MAN2A1: variants seen among roughly 807,000 people sequenced by gnomAD.
MAN2A1 encodes alpha-mannosidase 2.
Under a neutral mutation model 142.6 loss-of-function variants are expected in MAN2A1, and 76 were observed. The ratio of observed to expected loss-of-function variants is 0.53; its 90% CI spans 0.44 to 0.65. The LOEUF (loss-of-function observed/expected upper bound fraction) is 0.65, where lower values mean the gene tolerates loss of function less well. MAN2A1 is among the 30% of genes least tolerant of loss of function. The pLI is 0.00. For missense variants in MAN2A1, 1,311 were observed against 1,365.1 expected (o/e 0.96, Z 0.62); for synonymous variants, 559 against 473.2 (o/e 1.18, Z -2.35).
At chr5:109,841,143 G>A (rs913023616) in intron 16 of MAN2A1, among the ~76,000 whole-genome samples, 7 of 151,838 alleles carry the variant, frequency 4.6e-5, no homozygotes, top group East Asian at 1.9e-4. Flanking sequence ...CTCTCGCACC[G>A]TTTTTAAAAA....
In MAN2A1 at chr5:109,803,687, A is replaced by T. The variant is rs564253983; in HGVS notation, c.1944-13586A>T. 7.9e-5 allele frequency among the ~76,000 whole-genome samples: 12 copies of T among 152,224 alleles called. No homozygotes were observed. The South Asian group carries it at 2.5e-3, about 32-fold the overall frequency. On this transcript the variant is annotated intron_variant, in intron 12 of 21. Transcript: ENST00000261483. ...TTCTAGTTAAGATATTTGGAAATAC[A>T]TAACTGTATGTAACTGAAGAAAAAC...
chr5:109,849,866 G>A (rs1366943342), intron 19 of MAN2A1, among the ~76,000 whole-genome samples: 1 of 152,050 alleles, frequency 6.6e-6, no homozygotes, highest in East Asian at 1.9e-4. Flanking sequence ...CATTGGCATT[G>A]GCATGCCTTT....
At chr5:109,716,988 A>G (rs1751473738) in intron 3 of MAN2A1, among the ~76,000 whole-genome samples, 1 of 152,126 alleles carries the variant, frequency 6.6e-6, no homozygotes, top group African/African-American at 2.4e-5. Context: ...AGTTGTTTCA[A>G]TTATAATGGG....
At chr5:109,857,461 A>G (rs879524324) in intron 20 of MAN2A1, among the ~76,000 whole-genome samples, 4 of 152,172 alleles carry the variant, frequency 2.6e-5, no homozygotes, top group Non-Finnish European at 4.4e-5. Flanking sequence ...GGTAGAGGAC[A>G]TCAGCGACCT....
chr5:109,736,623 C>T (rs1014177404), intron 4 of MAN2A1, among the ~76,000 whole-genome samples: 1 of 152,068 alleles, frequency 6.6e-6, no homozygotes. Flanking sequence ...CAGATTGTTT[C>T]TGATTTTAAG....
intron 4 of MAN2A1, among the ~76,000 whole-genome samples, chr5:109,736,689 A>G (rs1234353147): frequency 6.6e-6 from 1 of 151,864 alleles, no homozygotes; most frequent in Non-Finnish European, 1.5e-5. Context: ...TGGGAATCTG[A>G]TTTTTTTCTT....
chr5:109,855,274 A>G lies in MAN2A1; in HGVS notation c.3111A>G (p.Pro1037=). The change falls in exon 20 of 22, where the codon CCA becomes CCG. Residue 1037 remains proline, a synonymous_variant. Coordinates refer to ENST00000261483, the MANE Select transcript of MAN2A1 (RefSeq NM_002372.4). ...TTGAGCTGCAAGGTGAATTCTCTCCATTACAGTCATCTTTGCCTTGTGACA... is the reference window on the plus strand; with the variant it reads ...TTGAGCTGCAAGGTGAATTCTCTCCGTTACAGTCATCTTTGCCTTGTGACA... ...PTLELQGEFS[P]LQSSLPCDIH... is the part of the protein sequence containing the mutation. 6.2e-7 allele frequency: 1 copy of G among 1,605,140 alleles called. No homozygotes were observed. Among genetic ancestry groups the G allele is most frequent in the Non-Finnish European group, 8.5e-7 (1 of 1,177,058 alleles).
chr5:109,778,685 TTC>T (rs1753362963), intron 8 of MAN2A1, among the ~76,000 whole-genome samples: 1 of 152,128 alleles, frequency 6.6e-6, no homozygotes, highest in South Asian at 2.1e-4. Flanking sequence ...TGCATTTTCT[TTC>T]TCTCCAACAT....
At chr5:109,800,582 C>T (rs1315365539) in intron 12 of MAN2A1, among the ~76,000 whole-genome samples, 1 of 152,044 alleles carries the variant, frequency 6.6e-6, no homozygotes, top group African/African-American at 2.4e-5. Context: ...AAATGTTTAT[C>T]AGTAATGAAT....
At chr5:109,856,669 TGAGA>T (rs1755611975) in intron 20 of MAN2A1, among the ~76,000 whole-genome samples, 1 of 152,204 alleles carries the variant, frequency 6.6e-6, no homozygotes, top group Non-Finnish European at 1.5e-5. Context: ...CTCAGTTTTT[TGAGA>T]GAGAAGTATT....
At chr5:109,809,390 A>G (rs1754259934) in intron 12 of MAN2A1, among the ~76,000 whole-genome samples, 1 of 151,802 alleles carries the variant, frequency 6.6e-6, no homozygotes, top group South Asian at 2.1e-4. Context: ...TCCCTCTGAT[A>G]TTATTTTCTT....
At chr5:109,840,529 C>T in intron 16 of MAN2A1, 2 of 506,548 alleles carry the variant, frequency 3.9e-6, no homozygotes, top group Non-Finnish European at 3.9e-6. Context: ...GCTTCTTTTC[C>T]TTGGACATGG....
chr5:109,781,459 G>A lies in MAN2A1; in HGVS notation c.1438G>A (p.Asp480Asn). Residue 480 changes from aspartate to asparagine, a missense_variant, in exon 9 of 22, where the codon GAC (aspartate) becomes AAC (asparagine). Around this residue, in one of 3 missense-constraint regions of MAN2A1, gnomAD observed 890 missense variants for 920.5 expected, o/e 0.97. Coordinates refer to ENST00000261483, the MANE Select transcript of MAN2A1 (RefSeq NM_002372.4). ...GGATAAAGCAGATGAAACTCAGAGA[G>A]ACAAGGGCCAATCGATGTTCCCTGT... ...ALDKADETQR[D>N]KGQSMFPVLS... The A allele has an allele frequency of 6.2e-7, 1 of 1,613,256 alleles. No individual in the cohort carries two copies. Among genetic ancestry groups the A allele is most frequent in the Non-Finnish European group, 8.5e-7 (1 of 1,179,770 alleles).
chr5:109,783,708 A>T (rs561816499), intron 9 of MAN2A1, among the ~76,000 whole-genome samples: 2 of 137,334 alleles, frequency 1.5e-5, no homozygotes, highest in South Asian at 4.7e-4. Flanking sequence ...GAACCTTCTT[A>T]TACTTTTTAC....
intron 8 of MAN2A1, among the ~76,000 whole-genome samples, chr5:109,780,583 C>CT (rs1246099622): frequency 6.6e-6 from 1 of 151,342 alleles, no homozygotes; most frequent in Non-Finnish European, 1.5e-5. Flanking sequence ...CCGCATCTTT[C>CT]TTTTAAAAGG....
intron 19 of MAN2A1, among the ~76,000 whole-genome samples, chr5:109,849,638 C>T (rs1237502808): frequency 6.6e-6 from 1 of 152,142 alleles, no homozygotes; most frequent in Admixed American, 6.6e-5. Flanking sequence ...CTGGGTCTAG[C>T]CTATACACAT....
Position 109,845,903 on chromosome 5 carries a change from A to G in MAN2A1, c.2739A>G (p.Gln913=), listed in dbSNP as rs1437467773. Residue 913 remains glutamine (Q), a synonymous_variant, in exon 18 of 22, where the codon CAA becomes CAG. Coordinates refer to ENST00000261483, the MANE Select transcript of MAN2A1 (RefSeq NM_002372.4). ...TGACACTGAGCAAATTGCCTCTTCA[A>G]GCAAATGTCTATCCCATGACCACAA... ...PRMTLSKLPL[Q]ANVYPMTTMA... The G allele has an allele frequency of 1.9e-6, 3 of 1,613,712 alleles. No individual in the cohort carries two copies. Among genetic ancestry groups the G allele is most frequent in the Non-Finnish European group, 2.5e-6 (3 of 1,179,746 alleles).
At chr5:109,694,863 T>C (rs1311540741) in intron 1 of MAN2A1, among the ~76,000 whole-genome samples, 1 of 152,190 alleles carries the variant, frequency 6.6e-6, no homozygotes, top group Non-Finnish European at 1.5e-5. Flanking sequence ...ATAAGGAAAA[T>C]ATGATCTCCT....
chr5:109,773,227 CT>C (rs1351930197), intron 7 of MAN2A1, among the ~76,000 whole-genome samples: 1 of 152,162 alleles, frequency 6.6e-6, no homozygotes, highest in Non-Finnish European at 1.5e-5. Context: ...GGTTACTTGG[CT>C]TTCCCAGTGT....
Sources: allele counts gnomAD v4.1 joint callset (sites outside exome capture counted in the v4.1 genomes callset), GRCh38; gene constraint gnomAD v4.1.1; regional missense constraint gnomAD v4.1.1; transcripts MANE v1.5; gene names NCBI Gene and HGNC (gene_info 2026-07-23, HGNC 2026-07-21).